Variants in PTK2B observed in about 807,000 individuals in gnomAD.
PTK2B encodes the protein protein tyrosine kinase 2 beta.
Under a neutral mutation model 142.9 loss-of-function variants are expected in PTK2B, and 71 were observed. The ratio of observed to expected loss-of-function variants is 0.50; its 90% CI spans 0.41 to 0.61. The LOEUF is 0.61. PTK2B is among the 20% of genes least tolerant of loss of function. The pLI, the probability that PTK2B is intolerant of heterozygous loss-of-function variation, is 0.00. For synonymous variants in PTK2B, 519 were observed against 503.4 expected (o/e 1.03, Z -0.42); for missense variants, 1,105 against 1,320.4 (o/e 0.84, Z 2.53).
In PTK2B at chr8:27,363,018, AAGCAGCTCCTTGGAT is replaced by A. The variant is rs1196763552; in HGVS notation, c.-37-34525_-37-34511del. ...CAGAGTCAGCTGGGAATTTTTGTGG[AAGCAGCTCCTTGGAT>A]AGCATCACTCCTGTTCTCGTCATGG... On this transcript the variant is annotated intron_variant, in intron 1 of 30. Coordinates refer to ENST00000346049, the MANE Select transcript of PTK2B (RefSeq NM_173176.3). The surrounding 1 kb of genome is among the most constrained non-coding windows in gnomAD (Gnocchi z 4.3). Among the ~76,000 whole-genome samples, 2 of 152,208 alleles carry A rather than the reference AAGCAGCTCCTTGGAT, an allele frequency of 1.3e-5. No homozygotes were observed. Among genetic ancestry groups the A allele is most frequent in the African/African-American group, 4.8e-5 (2 of 41,456 alleles).
intron 1 of PTK2B, among the ~76,000 whole-genome samples, chr8:27,378,453 TCTCACCTAATCCC>T (rs904112349): frequency 2.2e-4 from 34 of 152,218 alleles, no homozygotes; most frequent in African/African-American, 7.5e-4. Context: ...AGAACGTCCC[TCTCACCTAATCCC>T]CTCACCTAAT....
chr8:27,433,319 G>A (rs1250773384), intron 10 of PTK2B, 116 bp from the exon 11 acceptor site: 1 of 852,590 alleles, frequency 1.2e-6, no homozygotes, highest in Non-Finnish European at 1.9e-6. Flanking sequence ...GGTGCAGACA[G>A]CATTGGCATC....
chr8:27,420,057 G>T lies in PTK2B; in HGVS notation c.367G>T (p.Val123Leu), dbSNP rs752698808. 1 of 1,614,176 alleles carries T rather than the reference G, an allele frequency of 6.2e-7. No individual in the cohort carries two copies. The highest frequency in any genetic ancestry group is 1.1e-5 in the South Asian group (1 of 91,078). ...GCAGGACAAGTATGAGTGTCTGCAC[G>T]TGGAAGCCGAGTGGAGGTAGGAGTG... ...EVQDKYECLH[V>L]EAEWRYDLQI... Residue 123 changes from valine (V) to leucine (L), a missense_variant, in exon 3 of 31, where the codon GTG (valine) becomes TTG (leucine). Coordinates refer to ENST00000346049, the MANE Select transcript of PTK2B (RefSeq NM_173176.3).
Position 27,439,139 on chromosome 8 carries a change from G to A in PTK2B, c.1744+8G>A, listed in dbSNP as rs1214055021. The A allele has an allele frequency of 2.5e-6, 4 of 1,610,718 alleles. No homozygotes were observed. The highest frequency in any genetic ancestry group is 2.2e-5 in the South Asian group (2 of 91,020). On this transcript the variant is annotated splice_region_variant and intron_variant, in intron 19 of 30. Coordinates refer to ENST00000346049, the MANE Select transcript of PTK2B (RefSeq NM_173176.3). ...ACGAGGACTATTACAAAGGTGAGGG[G>A]GCTTCCCAGCCTCTGCATTGGCCTT...
At chr8:27,324,759 C>T (rs10095624), upstream of PTK2B, among the ~76,000 whole-genome samples, 2 of 151,738 alleles carry the variant, frequency 1.3e-5, no homozygotes, top group Non-Finnish European at 2.9e-5. Flanking sequence ...GATGATGCTG[C>T]GTACACTCCA....
At chr8:27,416,757 T>C (rs965495886) in intron 2 of PTK2B, among the ~76,000 whole-genome samples, 1 of 151,984 alleles carries the variant, frequency 6.6e-6, no homozygotes. Flanking sequence ...CTCCTACAAC[T>C]CTCCTGCAAA....
chr8:27,372,501 T>C (rs1806422042), intron 1 of PTK2B, among the ~76,000 whole-genome samples: 2 of 152,170 alleles, frequency 1.3e-5, no homozygotes, highest in African/African-American at 4.8e-5. Flanking sequence ...CTTTAACTGA[T>C]TGTATGAGGC....
At chr8:27,408,664 C>G (rs568804230) in intron 2 of PTK2B, among the ~76,000 whole-genome samples, 15 of 152,300 alleles carry the variant, frequency 9.8e-5, no homozygotes, top group African/African-American at 3.1e-4. Context: ...GGGGATATCA[C>G]TGGGGGATCG....
chr8:27,341,547 C>T (rs930343944), intron 1 of PTK2B, among the ~76,000 whole-genome samples: 3 of 152,156 alleles, frequency 2.0e-5, no homozygotes, highest in Non-Finnish European at 4.4e-5. Flanking sequence ...GCGGCCACTT[C>T]AGTGGAGGGT....
At chr8:27,353,785 G>A (rs1805239506) in intron 1 of PTK2B, among the ~76,000 whole-genome samples, 1 of 152,192 alleles carries the variant, frequency 6.6e-6, no homozygotes. Context: ...ACTATGGGTG[G>A]CTCTGTAAGA....
intron 2 of PTK2B, among the ~76,000 whole-genome samples, chr8:27,414,669 C>A (rs1273444702): frequency 9.8e-6 from 1 of 101,606 alleles, no homozygotes; most frequent in Non-Finnish European, 2.2e-5. Flanking sequence ...ACTTCCAATT[C>A]CAATCCTTCA....
chr8:27,430,410 A>C lies in PTK2B; in HGVS notation c.661A>C (p.Asn221His). Residue 221 changes from asparagine (N) to histidine (H), a missense_variant, in exon 7 of 31, where the codon AAC becomes CAC. Coordinates refer to ENST00000346049, the MANE Select transcript of PTK2B (RefSeq NM_173176.3). ...GTTTTTCCCAAAGCAGATGCAGGAGAACTTAAAGGTGAGGAAACCAATGGG... is the reference window on the plus strand; with the variant it reads ...GTTTTTCCCAAAGCAGATGCAGGAGCACTTAAAGGTGAGGAAACCAATGGG... The part of the protein sequence containing the change: ...DLFFPKQMQE[N>H]LKPKQFRKMI... 6.2e-7 allele frequency: 1 copy of C among 1,613,976 alleles called. No homozygotes were observed. Among genetic ancestry groups the C allele is most frequent in the South Asian group, 1.1e-5 (1 of 91,070 alleles).
intron 21 of PTK2B, among the ~76,000 whole-genome samples, chr8:27,442,356 A>G (rs1459591396): frequency 6.6e-6 from 1 of 152,184 alleles, no homozygotes; most frequent in Admixed American, 6.5e-5. Flanking sequence ...CCAGGTTAGG[A>G]GCACTGGATT....
chr8:27,341,992 CT>C lies in PTK2B; in HGVS notation c.-38+16312del, dbSNP rs534166636. On this transcript the variant is annotated intron_variant, in intron 1 of 30. Coordinates refer to ENST00000346049, the MANE Select transcript of PTK2B (RefSeq NM_173176.3). ...CCCACCTGGCTGCAGGGCTTTCAAA[CT>C]GGGCTCCAACTCCATAGTTTCTGCC... 2.5e-4 allele frequency among the ~76,000 whole-genome samples: 38 copies of C among 152,274 alleles called. No individual in the cohort carries two copies. The East Asian group carries it at 6.4e-3, about 26-fold the overall frequency.
chr8:27,445,731 C>T, intron 23 of PTK2B, 63 bp from the exon 24 acceptor site: 2 of 1,601,254 alleles, frequency 1.2e-6, no homozygotes, highest in East Asian at 4.5e-5. Context: ...GTGTTTGTAG[C>T]AGCTAATTGT....
intron 26 of PTK2B, 88 bp downstream of exon 26, chr8:27,451,166 C>T: frequency 2.8e-6 from 4 of 1,452,302 alleles, no homozygotes; most frequent in Middle Eastern, 1.9e-4. Context: ...CTTGCTCCTA[C>T]CCCCAGGCCT....
At chr8:27,351,086 C>T (rs1414461370) in intron 1 of PTK2B, among the ~76,000 whole-genome samples, 7 of 135,726 alleles carry the variant, frequency 5.2e-5, no homozygotes, top group Non-Finnish European at 9.2e-5. Context: ...AGTCTGTAGT[C>T]CCAGCTACTC....
intron 2 of PTK2B, among the ~76,000 whole-genome samples, chr8:27,416,872 G>A (rs1809432555): frequency 6.6e-6 from 1 of 152,152 alleles, no homozygotes; most frequent in Non-Finnish European, 1.5e-5. Context: ...AATATCATTA[G>A]TCATCAGAGA....
chr8:27,449,813 G>A (rs1180946750), intron 24 of PTK2B, among the ~76,000 whole-genome samples: 1 of 152,192 alleles, frequency 6.6e-6, no homozygotes, highest in Non-Finnish European at 1.5e-5. Flanking sequence ...TTAGGAACTA[G>A]CAGCTAAAAT....
Sources: allele counts gnomAD v4.1 joint callset (sites outside exome capture counted in the v4.1 genomes callset), GRCh38; gene constraint gnomAD v4.1.1; non-coding constraint Gnocchi (gnomAD v3.1); transcripts MANE v1.5; gene names NCBI Gene and HGNC (gene_info 2026-07-23, HGNC 2026-07-21).